Variants in BCL2 observed in about 807,000 individuals in gnomAD.
BCL2 encodes BCL2 apoptosis regulator, also known as apoptosis regulator Bcl-2.
Under a neutral mutation model 14.2 loss-of-function variants are expected in BCL2, and 1 was observed. The observed-to-expected ratio is 0.07, with a 90% CI of 0.02 to 0.33. The LOEUF (loss-of-function observed/expected upper bound fraction) is 0.33. BCL2 is among the 10% of genes least tolerant of loss of function. The pLI, the probability that BCL2 is intolerant of heterozygous loss-of-function variation, is 0.99. For missense variants in BCL2, 247 were observed against 305.9 expected (o/e 0.81, Z 1.44); for synonymous variants, 151 against 137.2 (o/e 1.10, Z -0.70).
chr18:63,193,615 C>T lies in BCL2; in HGVS notation c.586-64856G>A, dbSNP rs558168278. 6.7e-4 allele frequency among the ~76,000 whole-genome samples: 90 copies of T among 133,776 alleles called. 1 individual carries two copies. In the Middle Eastern group the frequency reaches 0.024, roughly 35 times the overall value. The allele number at this position is 133,776 out of a possible 152,430, so 87.8% of individuals were successfully genotyped here. ...GTGTGTGTGTGTGTGTGTGTGTATA[C>T]ACACACACACATACAAATACACACA... On this transcript the variant is annotated intron_variant, in intron 2 of 2. Coordinates refer to ENST00000333681, the MANE Select transcript of BCL2 (RefSeq NM_000633.3).
At chr18:63,221,280 A>G (rs1003843287) in intron 2 of BCL2, among the ~76,000 whole-genome samples, 1 of 152,210 alleles carries the variant, frequency 6.6e-6, no homozygotes, top group African/African-American at 2.4e-5. Flanking sequence ...TTTGTTTAGT[A>G]TGTTCCAGGT....
chr18:63,148,130 C>T (rs992776145), intron 2 of BCL2, among the ~76,000 whole-genome samples: 25 of 152,214 alleles, frequency 1.6e-4, no homozygotes, highest in African/African-American at 6.0e-4. Flanking sequence ...TCAGATAACT[C>T]AAAACTGGTT....
intron 2 of BCL2, among the ~76,000 whole-genome samples, chr18:63,303,616 G>A (rs923143850): frequency 5.9e-5 from 9 of 152,044 alleles, no homozygotes; most frequent in Admixed American, 3.9e-4. Flanking sequence ...CTCTTACCAG[G>A]CAAAGTCAAT....
At position 63,319,233 on chromosome 18, in the gene BCL2, A is replaced by T. The variant is rs1913616868; in HGVS notation, c.-346T>A. 3.9e-6 allele frequency: 1 copy of T among 256,958 alleles called. No individual in the cohort carries two copies. The highest frequency in any genetic ancestry group is 7.1e-6 in the Non-Finnish European group (1 of 140,722). The allele number at this position is 256,958 out of a possible 1,614,324, so 15.9% of individuals were successfully genotyped here. A position where few individuals can be genotyped will look rare whatever the true frequency, so the allele number is the denominator to read the frequency against. On this transcript the variant is annotated 5_prime_UTR_variant, in exon 1 of 3. An upstream open reading frame in the 5' UTR gains an earlier in-frame stop. Transcript: ENST00000333681. ...AGTTTCCTTTTTGTAAAACCAAAAC[A>T]AATGCATAAGGCAACGATCCCATCA...
At chr18:63,181,023 G>A (rs1471709709) in intron 2 of BCL2, among the ~76,000 whole-genome samples, 1 of 152,224 alleles carries the variant, frequency 6.6e-6, no homozygotes, top group East Asian at 1.9e-4. Context: ...AAGATGCTTT[G>A]TTTCACCATG....
intron 2 of BCL2, among the ~76,000 whole-genome samples, chr18:63,269,369 T>C (rs1911935007): frequency 6.6e-6 from 1 of 152,060 alleles, no homozygotes; most frequent in Non-Finnish European, 1.5e-5. Flanking sequence ...TTCATGAGAC[T>C]TTTGTGGGAC....
intron 2 of BCL2, among the ~76,000 whole-genome samples, chr18:63,219,670 C>T (rs913000673): frequency 6.6e-5 from 10 of 152,006 alleles, no homozygotes. Context: ...AAGTGTGCCT[C>T]CGAATTTAAA....
At chr18:63,266,637 T>TCTCACACACACA (rs1491465885) in intron 2 of BCL2, among the ~76,000 whole-genome samples, 15 of 86,012 alleles carry the variant, frequency 1.7e-4, no homozygotes, top group African/African-American at 5.4e-4. Flanking sequence ...TCTCTCTCTC[T>TCTCACACACACA]CACACACACA....
At chr18:63,152,227 T>C (rs1276942819) in intron 2 of BCL2, among the ~76,000 whole-genome samples, 2 of 152,186 alleles carry the variant, frequency 1.3e-5, no homozygotes, top group African/African-American at 4.8e-5. Flanking sequence ...GAGAAAACAA[T>C]GTTTGAGTTC....
intron 2 of BCL2, among the ~76,000 whole-genome samples, chr18:63,165,511 T>TGCTTCC (rs1032364437): frequency 5.9e-5 from 9 of 152,222 alleles, no homozygotes; most frequent in African/African-American, 2.2e-4. Flanking sequence ...TGGCTGCTTC[T>TGCTTCC]GCTTCCATAC....
rs762334439 is a variant in BCL2, at chr18:63,126,356, G to C, written c.*2269C>G. ...GGAGGGCTCTGGGTGGGTCTGTGTT[G>C]AAACAGGCCACGTAAAGCAACTCTC... On this transcript the variant is annotated 3_prime_UTR_variant, in exon 3 of 3. Transcript: ENST00000333681. The C allele has an allele frequency of 1.2e-4, 26 of 221,056 alleles. No individual in the cohort carries two copies. Among genetic ancestry groups the C allele is most frequent in the Non-Finnish European group, 2.2e-4 (24 of 110,064 alleles). 13.7% of individuals were successfully genotyped at this position (221,056 alleles called of 1,614,324 possible). A position where few individuals can be genotyped will look rare whatever the true frequency, so the allele number is the denominator to read the frequency against.
intron 2 of BCL2, among the ~76,000 whole-genome samples, chr18:63,174,692 C>T (rs1599225163): frequency 6.6e-6 from 1 of 151,868 alleles, no homozygotes. Context: ...TAGTGGCAGG[C>T]ACCTGTAATC....
chr18:63,276,162 C>T (rs144493010), intron 2 of BCL2, among the ~76,000 whole-genome samples: 2 of 152,262 alleles, frequency 1.3e-5, no homozygotes, highest in East Asian at 3.9e-4. Flanking sequence ...CAGAGGTCAG[C>T]CTGGTACCTC....
chr18:63,237,059 G>GA (rs954527524), intron 2 of BCL2, among the ~76,000 whole-genome samples: 3 of 152,132 alleles, frequency 2.0e-5, no homozygotes, highest in Non-Finnish European at 4.4e-5. Context: ...TTGCCTCTGG[G>GA]AAATACATAA....
chr18:63,232,325 T>A (rs920169256), intron 2 of BCL2, among the ~76,000 whole-genome samples: 6 of 152,046 alleles, frequency 3.9e-5, no homozygotes, highest in African/African-American at 1.4e-4. Context: ...TGTTAAACAT[T>A]CTGTGATGAA....
intron 2 of BCL2, among the ~76,000 whole-genome samples, chr18:63,257,089 A>C (rs1045949766): frequency 1.3e-5 from 2 of 152,358 alleles, no homozygotes; most frequent in Admixed American, 1.3e-4. Context: ...AGAGTAAATA[A>C]TAGCTGATTT....
chr18:63,223,080 T>C (rs376248153), intron 2 of BCL2, among the ~76,000 whole-genome samples: 3 of 152,188 alleles, frequency 2.0e-5, no homozygotes, highest in African/African-American at 7.2e-5. Flanking sequence ...CCTCTGGAAC[T>C]GTGCGGAAGG....
intron 2 of BCL2, among the ~76,000 whole-genome samples, chr18:63,216,326 T>C (rs932546919): frequency 1.3e-5 from 2 of 149,534 alleles, no homozygotes; most frequent in Non-Finnish European, 3.0e-5. Context: ...AACGTCAAGG[T>C]GAGTCAGTAA....
At chr18:63,218,651 A>AGT in intron 2 of BCL2, among the ~76,000 whole-genome samples, 2 of 135,406 alleles carry the variant, frequency 1.5e-5, no homozygotes, top group African/African-American at 5.7e-5. Context: ...CCCATCCTCC[A>AGT]CTCATCCCCA....
Sources: allele counts gnomAD v4.1 joint callset (sites outside exome capture counted in the v4.1 genomes callset), GRCh38; gene constraint gnomAD v4.1.1; transcripts MANE v1.5; gene names NCBI Gene and HGNC (gene_info 2026-07-23, HGNC 2026-07-21).